The following SLIT3 variants were observed in gnomAD, a reference collection of about 807,000 sequenced individuals.
SLIT3 encodes the protein slit homolog 3 protein.
SLIT3 carries 68 observed loss-of-function variants against 184.0 expected under a neutral mutation model. That is an observed-to-expected ratio of 0.37 (90% CI 0.30 to 0.45). The LOEUF (loss-of-function observed/expected upper bound fraction) is 0.45. Among genes scored for constraint, SLIT3 ranks in the 20% least tolerant of loss-of-function variants. SLIT3 has a pLI of 1.00. For missense variants in SLIT3, 1,707 were observed against 2,026.0 expected (o/e 0.84, Z 3.02); for synonymous variants, 831 against 828.6 (o/e 1.00, Z -0.05).
At chr5:169,271,599 G>T (rs1744294776) in intron 1 of SLIT3, among the ~76,000 whole-genome samples, 1 of 152,164 alleles carries the variant, frequency 6.6e-6, no homozygotes, top group African/African-American at 2.4e-5. Context: ...ATATTCTGTG[G>T]AAAACACAAG....
intron 4 of SLIT3, among the ~76,000 whole-genome samples, chr5:169,182,829 A>G (rs904516048): frequency 3.3e-5 from 5 of 152,228 alleles, no homozygotes; most frequent in Admixed American, 2.0e-4. Flanking sequence ...GAAGAATGGT[A>G]TGGGTGAAGG....
intron 1 of SLIT3, among the ~76,000 whole-genome samples, chr5:169,285,932 C>T (rs932404669): frequency 3.3e-5 from 5 of 152,102 alleles, no homozygotes; most frequent in Non-Finnish European, 7.4e-5. Flanking sequence ...TGCACTACGA[C>T]GTAGAGAATC....
intron 4 of SLIT3, among the ~76,000 whole-genome samples, chr5:168,932,088 G>A (rs1340722478): frequency 1.3e-5 from 2 of 152,072 alleles, no homozygotes; most frequent in East Asian, 3.9e-4. Flanking sequence ...TTATCACTAA[G>A]AACCACAGGC....
chr5:169,249,303 G>A (rs1238589007), intron 2 of SLIT3, among the ~76,000 whole-genome samples: 1 of 151,894 alleles, frequency 6.6e-6, no homozygotes, highest in African/African-American at 2.4e-5. Context: ...ACTGGGGGAT[G>A]GGGGGTAGGG....
At chr5:169,160,896 G>A (rs1156866955) in intron 4 of SLIT3, among the ~76,000 whole-genome samples, 2 of 152,102 alleles carry the variant, frequency 1.3e-5, no homozygotes. Flanking sequence ...CATGGCAATG[G>A]GAGACTTTGA....
chr5:169,192,452 TG>T (rs1293739234), intron 4 of SLIT3, among the ~76,000 whole-genome samples: 3 of 151,726 alleles, frequency 2.0e-5, no homozygotes, highest in African/African-American at 7.3e-5. Flanking sequence ...TGTGTGTGTG[TG>T]TGTATAGACA....
chr5:169,116,604 A>G (rs781013403), intron 4 of SLIT3, among the ~76,000 whole-genome samples: 58 of 152,226 alleles, frequency 3.8e-4, no homozygotes, highest in Non-Finnish European at 6.9e-4. Flanking sequence ...GATCTAGGCA[A>G]CCAGGCCTAT....
At chr5:169,235,898 C>T (rs1765181000) in intron 3 of SLIT3, among the ~76,000 whole-genome samples, 1 of 152,206 alleles carries the variant, frequency 6.6e-6, no homozygotes, top group African/African-American at 2.4e-5. Context: ...TGACCTTGAT[C>T]ACACGGCTAA....
At chr5:169,157,216 C>T (rs1221425976) in intron 4 of SLIT3, among the ~76,000 whole-genome samples, 4 of 152,056 alleles carry the variant, frequency 2.6e-5, no homozygotes, top group East Asian at 3.9e-4. Flanking sequence ...TGGTCTTCCA[C>T]GCCCACTTGG....
intron 27 of SLIT3, among the ~76,000 whole-genome samples, chr5:168,700,355 G>T (rs143229232): frequency 1.3e-5 from 2 of 152,190 alleles, no homozygotes; most frequent in South Asian, 2.1e-4. Flanking sequence ...CAGAGCTGAC[G>T]GTTTTATAAA....
chr5:168,996,889 G>A (rs544071747), intron 4 of SLIT3, among the ~76,000 whole-genome samples: 1 of 152,284 alleles, frequency 6.6e-6, no homozygotes, highest in African/African-American at 2.4e-5. Context: ...GGGTGGAGTG[G>A]AGGAGTGATG....
chr5:169,237,817 T>G (rs1375368132), intron 3 of SLIT3, among the ~76,000 whole-genome samples: 1 of 152,206 alleles, frequency 6.6e-6, no homozygotes, highest in African/African-American at 2.4e-5. Flanking sequence ...GCATATAAAT[T>G]CTTTATCAGA....
At chr5:169,242,560 C>T (rs1398810507) in intron 3 of SLIT3, among the ~76,000 whole-genome samples, 1 of 152,134 alleles carries the variant, frequency 6.6e-6, no homozygotes, top group Admixed American at 6.5e-5. Flanking sequence ...ACACTGGTAC[C>T]TTGGAAGCCA....
chr5:169,094,825 T>C (rs1759718137), intron 4 of SLIT3, among the ~76,000 whole-genome samples: 1 of 152,248 alleles, frequency 6.6e-6, no homozygotes. Context: ...TTTCCATTCA[T>C]TTATTTACTG....
At chr5:168,769,725 C>T (rs1755478608) in intron 14 of SLIT3, among the ~76,000 whole-genome samples, 1 of 152,120 alleles carries the variant, frequency 6.6e-6, no homozygotes, top group African/African-American at 2.4e-5. Context: ...CCTCACCAAG[C>T]CTTAAAATCT....
At chr5:169,137,335 C>CACAGAGAGAGAGAGAGAGAGAGAG (rs368371904) in intron 4 of SLIT3, among the ~76,000 whole-genome samples, 3 of 138,554 alleles carry the variant, frequency 2.2e-5, no homozygotes, top group African/African-American at 8.4e-5. Flanking sequence ...CACACACACA[C>CACAGAGAGAGAGAGAGAGAGAGAG]AGAGAGAGAG....
At chr5:168,741,440 C>T (rs1354461882) in intron 20 of SLIT3, among the ~76,000 whole-genome samples, 1 of 139,114 alleles carries the variant, frequency 7.2e-6, no homozygotes, top group African/African-American at 2.7e-5. Context: ...CACTGCATTC[C>T]AGCACTCCAG....
chr5:169,102,983 C>T (rs979095662), intron 4 of SLIT3, among the ~76,000 whole-genome samples: 6 of 152,162 alleles, frequency 3.9e-5, no homozygotes, highest in Non-Finnish European at 7.4e-5. Flanking sequence ...ACTGAATCTT[C>T]GCTAAAACTT....
rs144005356 is a variant in SLIT3 at position 169,069,325 on chromosome 5, C to T, written c.413+124154G>A. 3.8e-3 allele frequency among the ~76,000 whole-genome samples: 575 copies of T among 152,308 alleles called. 2 individuals are homozygous for T. The highest frequency in any genetic ancestry group is 0.012 in the African/African-American group (510 of 41,550). Reference sequence around the variant, plus strand: ...AGTCGAGAGAGGAGTGACATGCACACGACAGGTGAAATATGAGGAAGAGGA... The same window carrying T: ...AGTCGAGAGAGGAGTGACATGCACATGACAGGTGAAATATGAGGAAGAGGA... On this transcript the variant is annotated intron_variant, in intron 4 of 35. Coordinates refer to ENST00000519560, the MANE Select transcript of SLIT3 (RefSeq NM_003062.4).
Sources: gnomAD v4.1 joint callset for allele counts (sites outside exome capture counted in the v4.1 genomes callset) on GRCh38, gnomAD v4.1.1 for gene constraint, MANE v1.5 for transcripts, NCBI Gene and HGNC (gene_info 2026-07-23, HGNC 2026-07-21) for gene names.